RAB30: variants seen among roughly 807,000 people sequenced by gnomAD.
RAB30 encodes RAB30, member RAS oncogene family.
A neutral mutation model predicts 25.1 loss-of-function variants in RAB30; 9 were observed. The ratio of observed to expected loss-of-function variants is 0.36; its 90% CI spans 0.22 to 0.63. RAB30 has a LOEUF of 0.63. RAB30 is among the 20% of genes least tolerant of loss of function. The pLI is 0.69. For synonymous variants in RAB30, 77 were observed against 86.4 expected, an observed-to-expected ratio of 0.89 and a Z score of 0.60; for missense variants, 140 against 243.5, an observed-to-expected ratio of 0.58 and a Z score of 2.83.
chr11:83,047,621 T>A (rs1858261262), intron 1 of RAB30, among the ~76,000 whole-genome samples: 1 of 152,078 alleles, frequency 6.6e-6, no homozygotes, highest in Non-Finnish European at 1.5e-5. Flanking sequence ...AAAGAAAAAA[T>A]AAAGCTCCCT....
intron 1 of RAB30, among the ~76,000 whole-genome samples, chr11:83,049,652 T>A (rs896058293): frequency 2.5e-4 from 38 of 152,122 alleles, no homozygotes; most frequent in African/African-American, 9.2e-4. Flanking sequence ...TGGTTAATTT[T>A]TTTTTTAATT....
At chr11:83,051,830 A>C (rs1239312422) in intron 1 of RAB30, among the ~76,000 whole-genome samples, 1 of 152,222 alleles carries the variant, frequency 6.6e-6, no homozygotes, top group African/African-American at 2.4e-5. Flanking sequence ...CTTATTTATC[A>C]TACATAGCCA....
Position 82,982,374 on chromosome 11 carries a change from G to C in RAB30, c.403C>G (p.Gln135Glu). 1 of 1,614,048 alleles carries C rather than the reference G, an allele frequency of 6.2e-7. No homozygotes were observed. Among genetic ancestry groups the C allele is most frequent in the Non-Finnish European group, 8.5e-7 (1 of 1,179,966 alleles). The change falls in exon 5 of 5, where the codon CAG becomes GAG. Residue 135 changes from glutamine (Q) to glutamate (E), a missense_variant. Physicochemically the swap from Gln to Glu is conservative, Grantham distance 29. Transcript: ENST00000527633. ...DLAERREVSQ[Q>E]RAEEFSEAQD... ...GCTTCTGAGAATTCTTCAGCTCGCT[G>C]CTGGGAAACCTCTCTCCTTTCAGCC...
intron 1 of RAB30, among the ~76,000 whole-genome samples, chr11:83,038,025 G>A (rs1858024337): frequency 6.6e-6 from 1 of 152,160 alleles, no homozygotes; most frequent in Non-Finnish European, 1.5e-5. Flanking sequence ...GGTGAATGAT[G>A]ACTTCTCTGT....
rs1255172714 is a variant in RAB30, at chr11:82,979,780, G to T, written c.*2385C>A. ...CATTCTCATGTGTTCCTGCTGATGGGCTGTGGATGGGTAAGTTATGGAAAG... is the reference window on the plus strand; with the variant it reads ...CATTCTCATGTGTTCCTGCTGATGGTCTGTGGATGGGTAAGTTATGGAAAG... On this transcript the variant is annotated 3_prime_UTR_variant, in exon 5 of 5. Transcript: ENST00000527633. 1 of 152,206 alleles carries T rather than the reference G, an allele frequency of 6.6e-6. No individual in the cohort carries two copies. The highest frequency in any genetic ancestry group is 2.4e-5 in the African/African-American group (1 of 41,438). The allele number at this position is 152,206 out of a possible 1,614,324, so 9.4% of individuals were successfully genotyped here.
In RAB30 at chr11:82,979,484, A is replaced by G. The variant is rs577468439; in HGVS notation, c.*2681T>C. The G allele has an allele frequency of 2.0e-5, 3 of 152,212 alleles. No individual in the cohort carries two copies. The highest frequency in any genetic ancestry group is 2.1e-4 in the South Asian group (1 of 4,830). 9.4% of individuals were successfully genotyped at this position (152,212 alleles called of 1,614,324 possible). ...GCCATGACAATAAGACTGTTAGGCAAACCAATAAATTTAGGTTCTGGCCTG... is the reference window on the plus strand; with the variant it reads ...GCCATGACAATAAGACTGTTAGGCAGACCAATAAATTTAGGTTCTGGCCTG... On this transcript the variant is annotated 3_prime_UTR_variant, in exon 5 of 5. Coordinates refer to ENST00000527633, the MANE Select transcript of RAB30 (RefSeq NM_001286060.2).
At chr11:83,019,457 G>C (rs189329567) in intron 1 of RAB30, among the ~76,000 whole-genome samples, 7 of 152,284 alleles carry the variant, frequency 4.6e-5, no homozygotes, top group Non-Finnish European at 1.0e-4. Context: ...GCTAGGAAGT[G>C]GCCTCTTGTC....
rs1856630795 is a variant in RAB30, at chr11:82,981,131, T to A, written c.*1034A>T. 6.6e-6 allele frequency: 1 copy of A among 152,224 alleles called. No individual in the cohort carries two copies. The highest frequency in any genetic ancestry group is 2.1e-4 in the South Asian group (1 of 4,834). The allele number at this position is 152,224 out of a possible 1,614,324, so 9.4% of individuals were successfully genotyped here. ...ATGGAGAGTACCAGGAAGTAAAAGA[T>A]GTGACCTACTATCAAGGACTGTGCT... is the stretch of plus-strand genomic sequence containing the variant. On this transcript the variant is annotated 3_prime_UTR_variant, in exon 5 of 5. Coordinates refer to ENST00000527633, the MANE Select transcript of RAB30 (RefSeq NM_001286060.2).
At chr11:83,068,290 C>T (rs539984919) in intron 1 of RAB30, among the ~76,000 whole-genome samples, 2 of 151,342 alleles carry the variant, frequency 1.3e-5, no homozygotes, top group African/African-American at 4.9e-5. Flanking sequence ...AAGAGCAAAA[C>T]TCTGTCTCAA....
At chr11:83,048,319 G>C (rs1379693459) in intron 1 of RAB30, among the ~76,000 whole-genome samples, 2 of 151,860 alleles carry the variant, frequency 1.3e-5, no homozygotes, top group African/African-American at 2.4e-5. Flanking sequence ...AAAAAAGTAA[G>C]AAATTAGCCA....
chr11:82,996,519 T>A (rs537346162), intron 2 of RAB30, among the ~76,000 whole-genome samples: 1 of 152,340 alleles, frequency 6.6e-6, no homozygotes, highest in South Asian at 2.1e-4. Context: ...GTATCATTCA[T>A]ATTTTTCAGG....
chr11:83,055,678 G>A (rs1858444461), intron 1 of RAB30, among the ~76,000 whole-genome samples: 1 of 152,212 alleles, frequency 6.6e-6, no homozygotes, highest in South Asian at 2.1e-4. Flanking sequence ...TGTATTTAGA[G>A]GTGGGAACTT....
At chr11:82,998,152 C>T (rs1218486939) in intron 1 of RAB30, among the ~76,000 whole-genome samples, 2 of 152,302 alleles carry the variant, frequency 1.3e-5, no homozygotes, top group East Asian at 3.9e-4. Context: ...CTGCCTCATC[C>T]TTAAGGGATG....
chr11:83,041,761 C>T (rs1203882643), intron 1 of RAB30, among the ~76,000 whole-genome samples: 1 of 151,814 alleles, frequency 6.6e-6, no homozygotes, highest in East Asian at 1.9e-4. Context: ...TAACCTAGGC[C>T]ATGTGCAGTG....
intron 3 of RAB30, among the ~76,000 whole-genome samples, chr11:82,990,599 A>G (rs1226464909): frequency 7.2e-5 from 11 of 152,214 alleles, no homozygotes; most frequent in Non-Finnish European, 1.3e-4. Flanking sequence ...TGACTCTCCT[A>G]TCTATCAACA....
At chr11:83,002,620 G>A (rs1258916733) in intron 1 of RAB30, among the ~76,000 whole-genome samples, 1 of 152,084 alleles carries the variant, frequency 6.6e-6, no homozygotes, top group African/African-American at 2.4e-5. Context: ...TGTGAATTTG[G>A]CAACATTTAA....
chr11:83,026,192 A>G (rs1404157846), intron 1 of RAB30, among the ~76,000 whole-genome samples: 3 of 152,126 alleles, frequency 2.0e-5, no homozygotes, highest in African/African-American at 7.2e-5. Flanking sequence ...CCCTGTCTCA[A>G]AAAAAAGACA....
In RAB30 at chr11:82,982,345, C is replaced by T; in HGVS notation, c.432G>A (p.Gln144=). Residue 144 remains glutamine (Q), a synonymous_variant, in exon 5 of 5, where the codon CAG becomes CAA. Coordinates refer to ENST00000527633, the MANE Select transcript of RAB30 (RefSeq NM_001286060.2). The part of the protein sequence containing the change: ...QQRAEEFSEA[Q]DMYYLETSAK... The stretch of plus-strand genomic sequence containing the variant: ...CTGAGGTCTCCAGATAATACATGTC[C>T]TGAGCTTCTGAGAATTCTTCAGCTC... 6.2e-7 allele frequency: 1 copy of T among 1,614,188 alleles called. No individual in the cohort carries two copies. Among genetic ancestry groups the T allele is most frequent in the East Asian group, 2.2e-5 (1 of 44,894 alleles).
chr11:82,995,360 G>T (rs1368106138), intron 2 of RAB30, among the ~76,000 whole-genome samples: 1 of 152,114 alleles, frequency 6.6e-6, no homozygotes, highest in East Asian at 1.9e-4. Context: ...TTCTATTTTG[G>T]CTTGGCTCAG....
Sources: gnomAD v4.1 joint callset for allele counts (sites outside exome capture counted in the v4.1 genomes callset) on GRCh38, gnomAD v4.1.1 for gene constraint, MANE v1.5 for transcripts, NCBI Gene and HGNC (gene_info 2026-07-23, HGNC 2026-07-21) for gene names.